EBF1: variants seen among roughly 807,000 people sequenced by gnomAD.
EBF1 encodes the protein EBF transcription factor 1, also known as transcription factor COE1.
EBF1 carries 10 observed loss-of-function variants against 68.4 expected under a neutral mutation model. The ratio of observed to expected loss-of-function variants is 0.15; its 90% CI spans 0.09 to 0.25. The LOEUF (loss-of-function observed/expected upper bound fraction) is 0.25, where lower values mean the gene tolerates loss of function less well. EBF1 is among the 10% of genes least tolerant of loss of function. The probability of loss-of-function intolerance (pLI) is 1.00; values close to 1 mark genes in which losing one functional copy is unlikely to be tolerated. For missense variants in EBF1, 509 were observed against 794.4 expected, an observed-to-expected ratio of 0.64 and a Z score of 4.32; for synonymous variants, 298 against 299.8, an observed-to-expected ratio of 0.99 and a Z score of 0.06.
chr5:158,910,111 T>C (rs891808011), intron 6 of EBF1, among the ~76,000 whole-genome samples: 2 of 152,186 alleles, frequency 1.3e-5, no homozygotes, highest in African/African-American at 4.8e-5. Context: ...GTCATCCTCA[T>C]TGAGCTATGG....
chr5:158,937,811 C>T (rs1298247137), intron 6 of EBF1, among the ~76,000 whole-genome samples: 1 of 152,176 alleles, frequency 6.6e-6, no homozygotes, highest in African/African-American at 2.4e-5. Flanking sequence ...CTCCACACTT[C>T]AATGACACGT....
chr5:158,954,468 G>C (rs1816656943), intron 6 of EBF1, among the ~76,000 whole-genome samples: 1 of 152,226 alleles, frequency 6.6e-6, no homozygotes, highest in Admixed American at 6.5e-5. Context: ...GAGAATAAAT[G>C]TGCCAACAAT....
intron 6 of EBF1, among the ~76,000 whole-genome samples, chr5:159,063,761 T>C (rs1390029450): frequency 1.3e-5 from 2 of 152,304 alleles, no homozygotes; most frequent in East Asian, 3.9e-4. Flanking sequence ...AATGATCACA[T>C]TAAGAATGAA....
At chr5:158,805,574 T>G (rs1781435147) in intron 8 of EBF1, among the ~76,000 whole-genome samples, 1 of 152,104 alleles carries the variant, frequency 6.6e-6, no homozygotes, top group Non-Finnish European at 1.5e-5. Context: ...ATTACCTTGG[T>G]CTTTTTCTAG....
chr5:158,707,613 T>C (rs1440398380), intron 15 of EBF1: 15 of 273,622 alleles, frequency 5.5e-5, no homozygotes, highest in Non-Finnish European at 1.1e-4. Flanking sequence ...CTGGAGAACT[T>C]GCTAGAGTCC....
At chr5:158,817,698 T>G (rs1442829507) in intron 8 of EBF1, among the ~76,000 whole-genome samples, 1 of 152,350 alleles carries the variant, frequency 6.6e-6, no homozygotes, top group South Asian at 2.1e-4. Flanking sequence ...AAGGCTTCCC[T>G]GACACTTCAT....
rs28452011 is a variant in EBF1, at chr5:158,918,020, G to C, written c.555-77910C>G. The stretch of plus-strand genomic sequence containing the variant: ...AACACTGAGGCCATTGAAGACAGAA[G>C]AGAGAGAGAAGGCAAGTGGCAGGGC... On this transcript the variant is annotated intron_variant, in intron 6 of 15. Coordinates refer to ENST00000313708, the MANE Select transcript of EBF1 (RefSeq NM_024007.5). Among the ~76,000 whole-genome samples, 425 of 152,268 alleles carry C rather than the reference G, an allele frequency of 2.8e-3. 1 individual carries two copies. The highest frequency in any genetic ancestry group is 9.9e-3 in the African/African-American group (413 of 41,564).
At chr5:158,823,548 T>C (rs2127861379) in intron 7 of EBF1, among the ~76,000 whole-genome samples, 1 of 152,348 alleles carries the variant, frequency 6.6e-6, no homozygotes, top group East Asian at 1.9e-4. Context: ...TTTATAGTTA[T>C]ACAGCAGAAG....
At position 158,755,235 on chromosome 5, in the gene EBF1, T is replaced by C. The variant is rs184345526; in HGVS notation, c.1036+22178A>G. On this transcript the variant is annotated intron_variant, in intron 10 of 15. Coordinates refer to ENST00000313708, the MANE Select transcript of EBF1 (RefSeq NM_024007.5). ...ATTTTAAGAAGATGGAGCTCAGTAA[T>C]TAGGAAAAAAGTAGAAAACACACAT... Among the ~76,000 whole-genome samples the C allele has an allele frequency of 2.9e-3, 440 of 152,036 alleles. 3 individuals are homozygous for C. The highest frequency in any genetic ancestry group is 0.01 in the African/African-American group (421 of 41,468).
intron 9 of EBF1, among the ~76,000 whole-genome samples, chr5:158,780,073 C>T (rs1300190226): frequency 6.6e-6 from 1 of 152,090 alleles, no homozygotes; most frequent in Non-Finnish European, 1.5e-5. Context: ...GATATTGATG[C>T]TTATGGAGGA....
chr5:158,926,046 T>C (rs1334644587), intron 6 of EBF1, among the ~76,000 whole-genome samples: 1 of 152,192 alleles, frequency 6.6e-6, no homozygotes, highest in Non-Finnish European at 1.5e-5. Flanking sequence ...AAGACAAAAT[T>C]ATAAAAGCAA....
At chr5:158,758,238 G>C (rs529721512) in intron 10 of EBF1, among the ~76,000 whole-genome samples, 1 of 152,150 alleles carries the variant, frequency 6.6e-6, no homozygotes, top group Non-Finnish European at 1.5e-5. Context: ...CATCTACTGG[G>C]TACTGCTGAA....
At chr5:158,737,459 T>G (rs1765459267) in intron 10 of EBF1, among the ~76,000 whole-genome samples, 2 of 151,734 alleles carry the variant, frequency 1.3e-5, no homozygotes, top group South Asian at 4.2e-4. Context: ...AATTTTTTTG[T>G]ATTTTTAATA....
chr5:158,918,150 G>A (rs1807624411), intron 6 of EBF1, among the ~76,000 whole-genome samples: 1 of 152,142 alleles, frequency 6.6e-6, no homozygotes. Flanking sequence ...TGGCGATTTT[G>A]TTTAAAGAAT....
chr5:158,805,878 G>A (rs930626960), intron 8 of EBF1, among the ~76,000 whole-genome samples: 3 of 151,878 alleles, frequency 2.0e-5, no homozygotes, highest in African/African-American at 7.3e-5. Context: ...AAGAGGATCG[G>A]TAATAGTCAT....
intron 8 of EBF1, among the ~76,000 whole-genome samples, chr5:158,817,241 C>T (rs1271991038): frequency 1.4e-5 from 2 of 143,302 alleles, no homozygotes; most frequent in Non-Finnish European, 3.0e-5. Context: ...CTATACCTGG[C>T]AATTTTTTTT....
chr5:158,729,489 T>G (rs1468754125), intron 11 of EBF1, among the ~76,000 whole-genome samples: 1 of 152,206 alleles, frequency 6.6e-6, no homozygotes, highest in African/African-American at 2.4e-5. Context: ...TATATCATCG[T>G]GCTATAAAAT....
rs987293644 is a variant in EBF1 at position 158,711,458 on chromosome 5, G to A, written c.1549+696C>T. Among the ~76,000 whole-genome samples the A allele has an allele frequency of 6.6e-5, 10 of 152,154 alleles. No homozygotes were observed. In the East Asian group the frequency reaches 7.7e-4, roughly 12 times the overall value. On this transcript the variant is annotated intron_variant, in intron 14 of 15. Transcript: ENST00000313708. ...GCATCAGGACAAGCTCACTGTATGC[G>A]CTATCTTCTCTATGTCTCACAACAC...
intron 15 of EBF1, chr5:158,707,598 C>T (rs1009062102): frequency 3.8e-6 from 1 of 265,516 alleles, no homozygotes; most frequent in Non-Finnish European, 7.4e-6. Flanking sequence ...GGGAGAGACC[C>T]TGCACTGGAG....
Sources: gnomAD v4.1 joint callset for allele counts (sites outside exome capture counted in the v4.1 genomes callset) on GRCh38, gnomAD v4.1.1 for gene constraint, MANE v1.5 for transcripts, NCBI Gene and HGNC (gene_info 2026-07-23, HGNC 2026-07-21) for gene names.